Variants in CDC40 observed in about 807,000 individuals in gnomAD.
CDC40 encodes pre-mRNA-processing factor 17.
A neutral mutation model predicts 80.6 loss-of-function variants in CDC40; 27 were observed. The ratio of observed to expected loss-of-function variants is 0.33; its 90% CI spans 0.25 to 0.46. The LOEUF is 0.46. Among genes scored for constraint, CDC40 ranks in the 20% least tolerant of loss-of-function variants. CDC40 has a pLI of 1.00. For synonymous variants in CDC40, 221 were observed against 232.6 expected (o/e 0.95, Z 0.45); for missense variants, 486 against 694.1 (o/e 0.70, Z 3.37).
chr6:110,199,419 C>A (rs867676261), intron 2 of CDC40, among the ~76,000 whole-genome samples: 2 of 151,306 alleles, frequency 1.3e-5, no homozygotes, highest in Non-Finnish European at 2.9e-5. Context: ...ACAGTGAAAC[C>A]CCGTCTCTAC....
chr6:110,208,968 A>C, intron 4 of CDC40, 116 bp from the exon 5 acceptor site: 1 of 705,670 alleles, frequency 1.4e-6, no homozygotes, highest in East Asian at 2.8e-5. Context: ...TCACTTGAAC[A>C]ATCATCTTTC....
intron 1 of CDC40, among the ~76,000 whole-genome samples, chr6:110,180,955 T>C (rs996228423): frequency 6.6e-6 from 1 of 152,220 alleles, no homozygotes; most frequent in African/African-American, 2.4e-5. Context: ...AGATCAGGAC[T>C]TCCCAAACTA....
In CDC40 at chr6:110,201,555, C is replaced by T; in HGVS notation, c.277-3C>T. On this transcript the variant is annotated splice_polypyrimidine_tract_variant and splice_region_variant and intron_variant, in intron 2 of 14. Coordinates refer to ENST00000307731, the MANE Select transcript of CDC40 (RefSeq NM_015891.3). ...TTTTATTTTTTTTCTTGTAACATTG[C>T]AGTTTGGACCAGAAAATCCCTTTAG... The T allele has an allele frequency of 6.3e-7, 1 of 1,583,900 alleles. No homozygotes were observed. Among genetic ancestry groups the T allele is most frequent in the Non-Finnish European group, 8.6e-7 (1 of 1,164,384 alleles).
chr6:110,204,659 CTTTTTTT>C (rs55895216), intron 3 of CDC40, among the ~76,000 whole-genome samples: 1 of 119,304 alleles, frequency 8.4e-6, no homozygotes, highest in African/African-American at 3.3e-5. Flanking sequence ...TCCTATTTCT[CTTTTTTT>C]TTTTTTTTTT....
intron 3 of CDC40, among the ~76,000 whole-genome samples, chr6:110,206,855 A>C (rs1023887409): frequency 6.6e-6 from 1 of 152,220 alleles, no homozygotes; most frequent in Non-Finnish European, 1.5e-5. Flanking sequence ...TGTATTTTCA[A>C]GCTCTTAGAA....
chr6:110,181,374 T>G (rs1017069157), intron 1 of CDC40, among the ~76,000 whole-genome samples: 1 of 152,166 alleles, frequency 6.6e-6, no homozygotes, highest in African/African-American at 2.4e-5. Context: ...GAGGAAAAGC[T>G]GATGTGTCTG....
rs556752786 is a variant in CDC40 at position 110,185,249 on chromosome 6, T to C, written c.189+4616T>C. Among the ~76,000 whole-genome samples, 697 of 145,682 alleles carry C rather than the reference T, an allele frequency of 4.8e-3. 8 individuals are homozygous for C. Among genetic ancestry groups the C allele is most frequent in the African/African-American group, 0.017 (671 of 39,200 alleles). ...TTTCTTCATCTTTTTTTCTTTTTTTTTTTTTTTTTTGGAGACGGAGTCTCG... is the reference window on the plus strand; with the variant it reads ...TTTCTTCATCTTTTTTTCTTTTTTTCTTTTTTTTTTGGAGACGGAGTCTCG... On this transcript the variant is annotated intron_variant, in intron 1 of 14. Transcript: ENST00000307731.
intron 2 of CDC40, 144 bp from the exon 3 acceptor site, chr6:110,201,414 C>G (rs1777491328): frequency 1.9e-6 from 1 of 517,286 alleles, no homozygotes; most frequent in Non-Finnish European, 3.3e-6. Flanking sequence ...CCCAGCTGCA[C>G]TGAACCGTAT....
At chr6:110,227,613 T>C (rs1277200506) in intron 13 of CDC40, among the ~76,000 whole-genome samples, 1 of 152,204 alleles carries the variant, frequency 6.6e-6, no homozygotes. Context: ...TGGCCCTTTG[T>C]ATCCATGAGC....
At chr6:110,201,534 A>ATTTTTTTT in intron 2 of CDC40, 24 bp from the exon 3 acceptor site, 2 of 1,529,558 alleles carry the variant, frequency 1.3e-6, no homozygotes, top group Admixed American at 2.0e-5. Flanking sequence ...ATTTTATTTT[A>ATTTTTTTT]TTTTTTTTCT....
chr6:110,216,312 G>T (rs966903192), intron 9 of CDC40, among the ~76,000 whole-genome samples: 3 of 152,158 alleles, frequency 2.0e-5, no homozygotes, highest in East Asian at 1.9e-4. Context: ...ACGTTGAAAC[G>T]GTGTGACTCG....
Position 110,219,884 on chromosome 6 carries a change from G to A in CDC40, c.1340+15G>A, listed in dbSNP as rs1400741851. 1.4e-5 allele frequency: 22 copies of A among 1,606,860 alleles called. No homozygotes were observed. The highest frequency in any genetic ancestry group is 4.5e-5 in the East Asian group (2 of 44,738). On this transcript the variant is annotated intron_variant, in intron 12 of 14. Coordinates refer to ENST00000307731, the MANE Select transcript of CDC40 (RefSeq NM_015891.3). ...GTTTGGGAATGGTGAGTTTCCATCA[G>A]TAGAAAATCTGATTTACATAAAGCA...
intron 1 of CDC40, among the ~76,000 whole-genome samples, chr6:110,189,763 A>G (rs1336600959): frequency 6.6e-6 from 1 of 152,210 alleles, no homozygotes; most frequent in Non-Finnish European, 1.5e-5. Flanking sequence ...AGGAAGAAGA[A>G]AAACTTGACC....
chr6:110,182,202 CT>C (rs1490959775), intron 1 of CDC40, among the ~76,000 whole-genome samples: 1 of 152,238 alleles, frequency 6.6e-6, no homozygotes, highest in Admixed American at 6.5e-5. Context: ...TAGTACCTAT[CT>C]AACAGAATTA....
chr6:110,219,789 T>C lies in CDC40; in HGVS notation c.1260T>C (p.Ala420=). 3.1e-6 allele frequency: 5 copies of C among 1,614,038 alleles called. No homozygotes were observed. Among genetic ancestry groups the C allele is most frequent in the Non-Finnish European group, 4.2e-6 (5 of 1,179,926 alleles). The change falls in exon 12 of 15, where the codon GCT becomes GCC. Residue 420 remains alanine (A), a synonymous_variant. Transcript: ENST00000307731. Reference sequence around the variant, plus strand: ...AGGAATATGATCGGCATTTGGGAGCTGTCAACACCATTGTTTTTGTGGATG... The same window carrying C: ...AGGAATATGATCGGCATTTGGGAGCCGTCAACACCATTGTTTTTGTGGATG... The part of the protein sequence containing the change: ...IVQEYDRHLG[A]VNTIVFVDEN...
At chr6:110,212,423 C>A (rs1777648654) in intron 7 of CDC40, 151 bp downstream of exon 7, 3 of 717,426 alleles carry the variant, frequency 4.2e-6, no homozygotes, top group African/African-American at 3.5e-5. Context: ...TTGGAGATGC[C>A]CACACATCCA....
chr6:110,200,612 A>T (rs1341677248), intron 2 of CDC40, among the ~76,000 whole-genome samples: 3 of 152,184 alleles, frequency 2.0e-5, no homozygotes, highest in Admixed American at 1.3e-4. Flanking sequence ...TTTTTTACTC[A>T]ATTTTTAAAA....
Position 110,213,091 on chromosome 6 carries a change from C to G in CDC40, c.873C>G (p.Val291=), listed in dbSNP as rs777647696. ...IHVWSGHTKG[V]SAVRLFPLSG... is the part of the protein sequence containing the mutation. Reference sequence around the variant, plus strand: ...ACTGTAATACCTTTTTATAGGGCGTCAGTGCAGTCAGATTGTTTCCTCTCT... The same window carrying G: ...ACTGTAATACCTTTTTATAGGGCGTGAGTGCAGTCAGATTGTTTCCTCTCT... Residue 291 remains valine, a synonymous_variant, in exon 8 of 15, where the codon GTC becomes GTG. Transcript: ENST00000307731. 21 of 1,602,060 alleles carry G rather than the reference C, an allele frequency of 1.3e-5. No individual in the cohort carries two copies. In the Admixed American group the frequency reaches 1.8e-4, roughly 14 times the overall value.
intron 9 of CDC40, among the ~76,000 whole-genome samples, chr6:110,217,208 T>C (rs997684840): frequency 2.0e-5 from 3 of 152,338 alleles, no homozygotes; most frequent in Admixed American, 2.0e-4. Context: ...CACAGAAATA[T>C]ACAATTATTG....
Sources: allele counts gnomAD v4.1 joint callset (sites outside exome capture counted in the v4.1 genomes callset), GRCh38; gene constraint gnomAD v4.1.1; transcripts MANE v1.5; gene names NCBI Gene and HGNC (gene_info 2026-07-23, HGNC 2026-07-21).